Variants in C5orf47 observed in about 807,000 individuals in gnomAD.
C5orf47 encodes the protein chromosome 5 open reading frame 47.
Under a neutral mutation model 20.6 loss-of-function variants are expected in C5orf47, and 20 were observed. That is an observed-to-expected ratio of 0.97 (90% CI 0.68 to 1.41). C5orf47 has a LOEUF of 1.41. Among genes scored for constraint, C5orf47 ranks in the 40% most tolerant of loss-of-function variants. The probability of loss-of-function intolerance (pLI) is 0.00; values close to 1 mark genes in which losing one functional copy is unlikely to be tolerated. For missense variants in C5orf47, 262 were observed against 238.4 expected (o/e 1.10, Z -0.65); for synonymous variants, 106 against 97.3 (o/e 1.09, Z -0.53).
At chr5:173,993,386 T>TA (rs1261925366) in intron 1 of C5orf47, among the ~76,000 whole-genome samples, 1 of 152,188 alleles carries the variant, frequency 6.6e-6, no homozygotes. Flanking sequence ...CTCATGCCTG[T>TA]AATCCCAACA....
downstream of C5orf47, among the ~76,000 whole-genome samples, chr5:174,007,178 A>G (rs186681370): frequency 4.7e-4 from 72 of 152,202 alleles, no homozygotes; most frequent in African/African-American, 1.6e-3. Context: ...TGTCTGGTGG[A>G]GTAAGAGTTA....
In C5orf47 at chr5:174,005,143, A is replaced by C. The variant is rs1354722525; in HGVS notation, c.*889A>C. On this transcript the variant is annotated 3_prime_UTR_variant, in exon 5 of 5. Transcript: ENST00000340147. ...AGGTGGAACTGGAAACTTAGGAGGG[A>C]AAGACAAAATGAGGCTTGTTCATGA... 6.6e-6 allele frequency: 1 copy of C among 152,124 alleles called. No individual in the cohort carries two copies. The highest frequency in any genetic ancestry group is 1.5e-5 in the Non-Finnish European group (1 of 68,018). The allele number at this position is 152,124 out of a possible 1,614,324, so 9.4% of individuals were successfully genotyped here. A position where few individuals can be genotyped will look rare whatever the true frequency, so the allele number is the denominator to read the frequency against.
At position 173,989,279 on chromosome 5, in the gene C5orf47, C is replaced by G; in HGVS notation, c.16C>G (p.Arg6Gly). The stretch of plus-strand genomic sequence containing the variant: ...TGAGGCTGCGATGGCGGCGGCAGGC[C>G]GGGGTCGGGAGCAGGACTCGGCGCG... MAAAGRGREQDSARFV... is the reference protein window; with the variant it reads MAAAGGGREQDSARFV... The change falls in exon 1 of 5, where the codon CGG (arginine) becomes GGG (glycine). Residue 6 changes from arginine to glycine, a missense_variant. Coordinates refer to ENST00000340147, the MANE Select transcript of C5orf47 (RefSeq NM_001144954.2). 1 of 1,385,420 alleles carries G rather than the reference C, an allele frequency of 7.2e-7. No homozygotes were observed. Among genetic ancestry groups the G allele is most frequent in the Non-Finnish European group, 9.4e-7 (1 of 1,066,082 alleles). 85.8% of individuals were successfully genotyped at this position (1,385,420 alleles called of 1,614,324 possible).
Position 174,006,057 on chromosome 5 carries a change from T to A in C5orf47, c.*1803T>A, listed in dbSNP as rs1387007173. 1 of 152,386 alleles carries A rather than the reference T, an allele frequency of 6.6e-6. No individual in the cohort carries two copies. Among genetic ancestry groups the A allele is most frequent in the Non-Finnish European group, 1.5e-5 (1 of 68,038 alleles). 9.4% of individuals were successfully genotyped at this position (152,386 alleles called of 1,614,324 possible). Reference sequence around the variant, plus strand: ...TACTGATACATCACTGAACATAAGCTGCAATACTTTAACTTATTTCTGTTC... The same window carrying A: ...TACTGATACATCACTGAACATAAGCAGCAATACTTTAACTTATTTCTGTTC... On this transcript the variant is annotated 3_prime_UTR_variant, in exon 5 of 5. Coordinates refer to ENST00000340147, the MANE Select transcript of C5orf47 (RefSeq NM_001144954.2).
chr5:173,997,588 T>G (rs1390314074), intron 1 of C5orf47, among the ~76,000 whole-genome samples: 1 of 152,106 alleles, frequency 6.6e-6, no homozygotes, highest in Non-Finnish European at 1.5e-5. Context: ...GGCTGAGTGC[T>G]ATGAAGAAGG....
intron 1 of C5orf47, among the ~76,000 whole-genome samples, chr5:173,997,556 G>A (rs1759120421): frequency 6.6e-6 from 1 of 152,106 alleles, no homozygotes; most frequent in Non-Finnish European, 1.5e-5. Context: ...GCCTAGTGGA[G>A]GAAACACATG....
At chr5:173,994,746 A>G (rs1249901459) in intron 1 of C5orf47, among the ~76,000 whole-genome samples, 1 of 152,188 alleles carries the variant, frequency 6.6e-6, no homozygotes, top group East Asian at 1.9e-4. Flanking sequence ...GGGTAGACTT[A>G]TGTTTAAACC....
At chr5:174,007,979 G>T (rs1035199007), downstream of C5orf47, among the ~76,000 whole-genome samples, 1 of 152,178 alleles carries the variant, frequency 6.6e-6, no homozygotes, top group African/African-American at 2.4e-5. Context: ...CAAGCAACAG[G>T]TGGCTCGTAT....
chr5:173,998,020 A>G, intron 1 of C5orf47, 133 bp from the exon 2 acceptor site: 2 of 598,132 alleles, frequency 3.3e-6, no homozygotes, highest in South Asian at 4.1e-5. Flanking sequence ...AACCAGTATT[A>G]CCTGGTGATC....
chr5:173,989,714 G>A, intron 1 of C5orf47, 126 bp downstream of exon 1: 1 of 863,664 alleles, frequency 1.2e-6, no homozygotes, highest in Non-Finnish European at 1.6e-6. Flanking sequence ...AGGCCGTGTT[G>A]CGAGCACGCG....
At chr5:174,000,785 G>T (rs534501078) in intron 3 of C5orf47, among the ~76,000 whole-genome samples, 3 of 152,032 alleles carry the variant, frequency 2.0e-5, no homozygotes, top group Non-Finnish European at 4.4e-5. Flanking sequence ...AGAATGAGGT[G>T]GGGGGTGGAT....
intron 1 of C5orf47, 52 bp downstream of exon 1, chr5:173,989,640 G>C: frequency 3.8e-6 from 5 of 1,329,076 alleles, no homozygotes; most frequent in South Asian, 1.8e-5. Flanking sequence ...GGACGGGGCG[G>C]AGCGGGCTCA....
chr5:173,992,268 C>T (rs1244715613), intron 1 of C5orf47, among the ~76,000 whole-genome samples: 6 of 148,766 alleles, frequency 4.0e-5, no homozygotes, highest in Non-Finnish European at 8.9e-5. Context: ...AAGATTTGGG[C>T]CCGATACAGT....
chr5:173,999,642 T>G, intron 2 of C5orf47, 58 bp from the exon 3 acceptor site: 2 of 798,134 alleles, frequency 2.5e-6, no homozygotes, highest in Non-Finnish European at 3.9e-6. Context: ...GTTGCCTCCA[T>G]GAAAATATAT....
At chr5:174,001,408 A>G (rs1162551313) in intron 4 of C5orf47, among the ~76,000 whole-genome samples, 177 bp downstream of exon 4, 1 of 152,062 alleles carries the variant, frequency 6.6e-6, no homozygotes, top group Non-Finnish European at 1.5e-5. Flanking sequence ...ACTGACCTTT[A>G]AAACTTCATT....
intron 4 of C5orf47, among the ~76,000 whole-genome samples, chr5:174,002,112 C>A (rs1581197811): frequency 6.6e-6 from 1 of 151,782 alleles, no homozygotes; most frequent in East Asian, 1.9e-4. Flanking sequence ...GTATGCACCA[C>A]CATGCCTGGC....
Position 173,989,232 on chromosome 5 carries a change from T to C in C5orf47, c.-32T>C, listed in dbSNP as rs1404051828. The stretch of plus-strand genomic sequence containing the variant: ...CTGGCGCCTGTGGCGTCGTGTTTGC[T>C]GAGGGCCCGGCTGCCGTTGACTGAG... On this transcript the variant is annotated 5_prime_UTR_variant, in exon 1 of 5. Coordinates refer to ENST00000340147, the MANE Select transcript of C5orf47 (RefSeq NM_001144954.2). 1 of 1,367,188 alleles carries C rather than the reference T, an allele frequency of 7.3e-7. No homozygotes were observed. Among genetic ancestry groups the C allele is most frequent in the South Asian group, 1.8e-5 (1 of 56,320 alleles). 84.7% of individuals were successfully genotyped at this position (1,367,188 alleles called of 1,614,324 possible).
At position 173,989,461 on chromosome 5, in the gene C5orf47, C is replaced by T. The variant is rs1167629396; in HGVS notation, c.198C>T (p.Gly66=). The T allele has an allele frequency of 1.9e-6, 3 of 1,549,302 alleles. No individual in the cohort carries two copies. Among genetic ancestry groups the T allele is most frequent in the Non-Finnish European group, 2.6e-6 (3 of 1,146,106 alleles). Residue 66 remains glycine (G), a synonymous_variant, in exon 1 of 5, where the codon GGC becomes GGT. Coordinates refer to ENST00000340147, the MANE Select transcript of C5orf47 (RefSeq NM_001144954.2). The part of the protein sequence containing the change: ...EAMAVAGVQG[G]SELPLGSQLR... ...TGGCGGTGGCGGGCGTTCAGGGTGG[C>T]AGCGAGCTGCCCCTCGGTTCCCAGC...
At chr5:174,002,047 G>A (rs954463714) in intron 4 of C5orf47, among the ~76,000 whole-genome samples, 18 of 150,546 alleles carry the variant, frequency 1.2e-4, no homozygotes, top group African/African-American at 3.9e-4. Flanking sequence ...TCTAACTCCT[G>A]GACTCAAGTG....
Sources: allele counts gnomAD v4.1 joint callset (sites outside exome capture counted in the v4.1 genomes callset), GRCh38; gene constraint gnomAD v4.1.1; transcripts MANE v1.5; gene names NCBI Gene and HGNC (gene_info 2026-07-23, HGNC 2026-07-21).